Variants in CACNB2 observed in about 807,000 individuals in gnomAD.
CACNB2 encodes the protein voltage-dependent L-type calcium channel subunit beta-2.
In CACNB2, 42 loss-of-function variants were observed where a neutral mutation model predicts 73.3. That is an observed-to-expected ratio of 0.57 (90% CI 0.45 to 0.74). CACNB2 has a LOEUF of 0.74. Among genes scored for constraint, CACNB2 ranks in the 30% least tolerant of loss-of-function variants. The pLI is 0.00. For missense variants in CACNB2, 940 were observed against 853.0 expected (o/e 1.10, Z -1.27); for synonymous variants, 348 against 310.3 (o/e 1.12, Z -1.28).
At chr10:18,232,748 G>T (rs1396868446) in intron 2 of CACNB2, among the ~76,000 whole-genome samples, 1 of 152,062 alleles carries the variant, frequency 6.6e-6, no homozygotes, top group Admixed American at 6.6e-5. Flanking sequence ...ATTCTTTTTT[G>T]TGTATTCGTT....
In CACNB2 at chr10:18,534,235, G is replaced by A; in HGVS notation, c.1206+8G>A. The A allele has an allele frequency of 1.2e-6, 2 of 1,608,566 alleles. No individual in the cohort carries two copies. The highest frequency in any genetic ancestry group is 1.7e-6 in the Non-Finnish European group (2 of 1,175,158). The stretch of plus-strand genomic sequence containing the variant: ...AAGATTTCTTCTCCTAAGGTAAGTA[G>A]GACTGCTACTGTTTGCTCTATAATC... On this transcript the variant is annotated splice_region_variant and intron_variant, in intron 11 of 13. Coordinates refer to ENST00000324631, the MANE Select transcript of CACNB2 (RefSeq NM_201596.3).
intron 2 of CACNB2, 131 bp downstream of exon 2, chr10:18,151,106 T>C: frequency 1.4e-6 from 1 of 697,478 alleles, no homozygotes; most frequent in East Asian, 2.5e-5. Context: ...GTGAAGACGG[T>C]GCTGTTTAAT....
intron 2 of CACNB2, chr10:18,260,995 G>A: frequency 7.2e-7 from 1 of 1,383,152 alleles, no homozygotes; most frequent in Non-Finnish European, 9.4e-7. Flanking sequence ...GCTACTTCTT[G>A]TAGATTTTTG....
At chr10:18,306,992 T>C (rs2039754000) in intron 2 of CACNB2, among the ~76,000 whole-genome samples, 1 of 152,042 alleles carries the variant, frequency 6.6e-6, no homozygotes, top group African/African-American at 2.4e-5. Flanking sequence ...GTCTGTCAGT[T>C]CCTGGTTAGG....
At chr10:18,373,104 C>T (rs982199544) in intron 2 of CACNB2, among the ~76,000 whole-genome samples, 1 of 152,168 alleles carries the variant, frequency 6.6e-6, no homozygotes, top group African/African-American at 2.4e-5. Context: ...GTGTGAGCCA[C>T]AGCACCCAGC....
At chr10:18,482,270 A>G (rs1245640037) in intron 3 of CACNB2, among the ~76,000 whole-genome samples, 2 of 152,218 alleles carry the variant, frequency 1.3e-5, no homozygotes, top group African/African-American at 4.8e-5. Context: ...ATAGTTGCAA[A>G]TTAAGGCAGT....
At chr10:18,178,250 T>C (rs1439073783) in intron 2 of CACNB2, among the ~76,000 whole-genome samples, 1 of 152,180 alleles carries the variant, frequency 6.6e-6, no homozygotes, top group African/African-American at 2.4e-5. Flanking sequence ...GCCTTTTCTT[T>C]TTCTGTGTTT....
At chr10:18,174,388 C>CTCTG (rs959539452) in intron 2 of CACNB2, among the ~76,000 whole-genome samples, 5 of 122,718 alleles carry the variant, frequency 4.1e-5, no homozygotes, top group Non-Finnish European at 8.5e-5. Context: ...TTTTTCTTTT[C>CTCTG]TTTCTTTCTC....
chr10:18,155,428 T>C (rs111669032), intron 2 of CACNB2, among the ~76,000 whole-genome samples: 3 of 152,374 alleles, frequency 2.0e-5, no homozygotes, highest in Non-Finnish European at 4.4e-5. Context: ...CATTCCACTG[T>C]GTGGAAAGAC....
chr10:18,454,524 G>A (rs1237146419), intron 3 of CACNB2, among the ~76,000 whole-genome samples: 1 of 152,100 alleles, frequency 6.6e-6, no homozygotes, highest in African/African-American at 2.4e-5. Flanking sequence ...TACCCCCTAA[G>A]AACAAACGTT....
chr10:18,225,905 A>C (rs1037238661), intron 2 of CACNB2, among the ~76,000 whole-genome samples: 1 of 152,100 alleles, frequency 6.6e-6, no homozygotes, highest in African/African-American at 2.4e-5. Context: ...CTTCCAAAGC[A>C]CTGGGATTAC....
At chr10:18,302,803 A>G (rs1330564828) in intron 2 of CACNB2, among the ~76,000 whole-genome samples, 1 of 152,220 alleles carries the variant, frequency 6.6e-6, no homozygotes, top group Non-Finnish European at 1.5e-5. Context: ...TCACCACTAA[A>G]GAAACTTACT....
At chr10:18,502,484 A>G (rs1169902203) in intron 5 of CACNB2, among the ~76,000 whole-genome samples, 1 of 150,898 alleles carries the variant, frequency 6.6e-6, no homozygotes. Context: ...AGGTTAAGAG[A>G]TTGAGACCAT....
At chr10:18,471,800 A>G (rs1301767522) in intron 3 of CACNB2, among the ~76,000 whole-genome samples, 1 of 152,230 alleles carries the variant, frequency 6.6e-6, no homozygotes, top group African/African-American at 2.4e-5. Flanking sequence ...TAATTGAGGT[A>G]AAGAAGAAAT....
intron 2 of CACNB2, among the ~76,000 whole-genome samples, chr10:18,184,803 C>T (rs999793816): frequency 2.0e-5 from 3 of 151,898 alleles, no homozygotes; most frequent in East Asian, 1.9e-4. Context: ...CATGATGATT[C>T]GCTGCACATG....
rs142187338 is a variant in CACNB2, at chr10:18,340,495, G to A, written c.214-61429G>A. Among the ~76,000 whole-genome samples the A allele has an allele frequency of 2.3e-3, 355 of 152,288 alleles. 1 individual carries two copies. Among genetic ancestry groups the A allele is most frequent in the Non-Finnish European group, 3.3e-3 (223 of 68,022 alleles). The stretch of plus-strand genomic sequence containing the variant: ...GAATGCTAACAGCTTATCCAGTTAT[G>A]CAACCTGTTGTTCTGTTCTGAAGAA... On this transcript the variant is annotated intron_variant, in intron 2 of 13. Coordinates refer to ENST00000324631, the MANE Select transcript of CACNB2 (RefSeq NM_201596.3).
chr10:18,518,192 T>C, intron 7 of CACNB2, 144 bp from the exon 8 acceptor site: 1 of 717,818 alleles, frequency 1.4e-6, no homozygotes, highest in Non-Finnish European at 2.5e-6. Flanking sequence ...ACTGGGTTTA[T>C]GTAGAAAAGA....
At chr10:18,391,890 T>C (rs2043486810) in intron 2 of CACNB2, among the ~76,000 whole-genome samples, 1 of 127,226 alleles carries the variant, frequency 7.9e-6, no homozygotes, top group Non-Finnish European at 1.5e-5. Flanking sequence ...ATTGTGCCAC[T>C]GCACTCCAGC....
At chr10:18,297,025 A>G (rs1394366628) in intron 2 of CACNB2, among the ~76,000 whole-genome samples, 1 of 152,218 alleles carries the variant, frequency 6.6e-6, no homozygotes, top group Non-Finnish European at 1.5e-5. Flanking sequence ...GCCAGCGCAT[A>G]AAAGTAATTT....
Sources: gnomAD v4.1 joint callset for allele counts (sites outside exome capture counted in the v4.1 genomes callset) on GRCh38, gnomAD v4.1.1 for gene constraint, MANE v1.5 for transcripts, NCBI Gene and HGNC (gene_info 2026-07-23, HGNC 2026-07-21) for gene names.